The following EXTL3 variants were observed in gnomAD, a reference collection of about 807,000 sequenced individuals.
The protein encoded by EXTL3 is exostosin like glycosyltransferase 3.
Under a neutral mutation model 69.3 loss-of-function variants are expected in EXTL3, and 27 were observed. The ratio of observed to expected loss-of-function variants is 0.39; its 90% CI spans 0.29 to 0.54. The LOEUF (loss-of-function observed/expected upper bound fraction) is 0.54, where lower values mean the gene tolerates loss of function less well. EXTL3 is among the 20% of genes least tolerant of loss of function. EXTL3 has a pLI of 0.69. For missense variants in EXTL3, 1,003 were observed against 1,231.8 expected, an observed-to-expected ratio of 0.81 and a Z score of 2.78; for synonymous variants, 511 against 499.4, an observed-to-expected ratio of 1.02 and a Z score of -0.31.
At position 28,717,270 on chromosome 8, in the gene EXTL3, C is replaced by T. The variant is rs148929161; in HGVS notation, c.1211C>T (p.Pro404Leu). ...GTGGAATTCACCTGCAAAAACCAGC[C>T]CAAACCCAGCCTGCCGACTGAGTGG... ...VLVEFTCKNQ[P>L]KPSLPTEWAL... The change falls in exon 3 of 7, where the codon CCC (proline) becomes CTC (leucine). Residue 404 changes from proline (P) to leucine (L), a missense_variant. This residue lies in a region of EXTL3 where 742 missense variants were observed against 815.4 expected (regional missense o/e 0.91). Transcript: ENST00000220562. This position sits in a 1 kb window ranked among gnomAD's most constrained non-coding sequence, Gnocchi z 8.3. The T allele has an allele frequency of 8.1e-6, 13 of 1,614,214 alleles. No individual in the cohort carries two copies. The East Asian group carries it at 2.7e-4, about 33-fold the overall frequency.
chr8:28,753,736 A>T lies in EXTL3; in HGVS notation c.*2870A>T, dbSNP rs1802062709. ...TTTCCTCAGCAAGTATGGAAGAGTG[A>T]CCTGAGAGAAGGCACCTGCTTGATT... On this transcript the variant is annotated 3_prime_UTR_variant, in exon 7 of 7. Transcript: ENST00000220562. 6.6e-6 allele frequency: 1 copy of T among 152,604 alleles called. No homozygotes were observed. Among genetic ancestry groups the T allele is most frequent in the Non-Finnish European group, 1.5e-5 (1 of 68,048 alleles). 9.5% of individuals were successfully genotyped at this position (152,604 alleles called of 1,614,324 possible).
upstream of EXTL3, among the ~76,000 whole-genome samples, chr8:28,619,778 T>C (rs555067153): frequency 7.0e-6 from 1 of 143,256 alleles, no homozygotes; most frequent in Admixed American, 7.2e-5. Flanking sequence ...CACCACACAT[T>C]AGCGCTTTTA....
At position 28,665,900 on chromosome 8, in the gene EXTL3, C is replaced by T. The variant is rs1234188435; in HGVS notation, c.-53+43090C>T. ...ACTCTCCCAGCTTTAATGAATTATC[C>T]TAATGATTGCCATGGTGCACTTCTG... On this transcript the variant is annotated intron_variant, in intron 1 of 6. Transcript: ENST00000523149. 3.9e-5 allele frequency among the ~76,000 whole-genome samples: 6 copies of T among 152,344 alleles called. No individual in the cohort carries two copies. The South Asian group carries it at 1.0e-3, about 26-fold the overall frequency.
chr8:28,681,973 C>T (rs1399284108), intron 1 of EXTL3, among the ~76,000 whole-genome samples: 5 of 152,164 alleles, frequency 3.3e-5, no homozygotes, highest in Admixed American at 2.6e-4. Context: ...GCAGGAGAAT[C>T]GCTTGAACCC....
chr8:28,651,457 C>G (rs936743743), intron 1 of EXTL3, among the ~76,000 whole-genome samples: 7 of 152,072 alleles, frequency 4.6e-5, no homozygotes, highest in Non-Finnish European at 8.8e-5. Flanking sequence ...TCCAGAATAA[C>G]TAGTACTACA....
At position 28,750,909 on chromosome 8, in the gene EXTL3, A is replaced by AGAG; in HGVS notation, c.*45_*46insGGA. 1 of 1,569,064 alleles carries AGAG rather than the reference A, an allele frequency of 6.4e-7. No homozygotes were observed. Among genetic ancestry groups the AGAG allele is most frequent in the Non-Finnish European group, 8.8e-7 (1 of 1,141,434 alleles). On this transcript the variant is annotated 3_prime_UTR_variant, in exon 7 of 7. Coordinates refer to ENST00000220562, the MANE Select transcript of EXTL3 (RefSeq NM_001440.4). The surrounding 1 kb of genome is among the most constrained non-coding windows in gnomAD (Gnocchi z 5.2). ...GGGAAGAGGATGAGCAGAGGGAGGA[A>AGAG]GATGGCTCCCAAGGTTCCTAGGCAT... is the stretch of plus-strand genomic sequence containing the variant.
In EXTL3 at chr8:28,716,323, G is replaced by A. The variant is rs766037251; in HGVS notation, c.264G>A (p.Ser88=). 6 of 1,614,140 alleles carry A rather than the reference G, an allele frequency of 3.7e-6. No individual in the cohort carries two copies. Among genetic ancestry groups the A allele is most frequent in the South Asian group, 2.2e-5 (2 of 91,078 alleles). The change falls in exon 3 of 7, where the codon TCG becomes TCA. Residue 88 remains serine (S), a synonymous_variant. Transcript: ENST00000220562. This position sits in a 1 kb window ranked among gnomAD's most constrained non-coding sequence, Gnocchi z 7.1. ...TGGATCTGTGCCGCATCCGGGAGTC[G>A]GTGAGTGAAGAGCTCCTGCAGCTGG... ...HVLDLCRIRE[S]VSEELLQLEA... is the part of the protein sequence containing the mutation.
intron 1 of EXTL3, among the ~76,000 whole-genome samples, chr8:28,694,976 A>G (rs1478933336): frequency 6.6e-6 from 1 of 152,108 alleles, no homozygotes; most frequent in Non-Finnish European, 1.5e-5. Context: ...AGATCACGCC[A>G]CTGCACTTCA....
rs552714033 is a variant in EXTL3 at position 28,645,954 on chromosome 8, T to C, written c.-53+23144T>C. On this transcript the variant is annotated intron_variant, in intron 1 of 6. Transcript: ENST00000523149. ...CATGGCTCACTGCAGCCTCAACTTC[T>C]CAGGCTCCGGAGATCCTCCCACCTC... is the stretch of plus-strand genomic sequence containing the variant. 1.0e-3 allele frequency among the ~76,000 whole-genome samples: 159 copies of C among 152,084 alleles called. 1 individual carries two copies. The highest frequency in any genetic ancestry group is 3.4e-3 in the Middle Eastern group (1 of 294).
At chr8:28,632,145 G>A (rs1300960028) in intron 1 of EXTL3, among the ~76,000 whole-genome samples, 1 of 151,750 alleles carries the variant, frequency 6.6e-6, no homozygotes, top group Non-Finnish European at 1.5e-5. Flanking sequence ...GGTGGCTCAC[G>A]CCTGTAATCC....
chr8:28,718,135 C>G lies in EXTL3; in HGVS notation c.2076C>G (p.Val692=). The change falls in exon 3 of 7, where the codon GTC becomes GTG. Residue 692 remains valine (V), a synonymous_variant. Coordinates refer to ENST00000220562, the MANE Select transcript of EXTL3 (RefSeq NM_001440.4). ...RLNGLPYLNK[V]VVVWNSPKLP... is the part of the protein sequence containing the mutation. The stretch of plus-strand genomic sequence containing the variant: ...ATGGCCTCCCTTACCTGAACAAGGT[C>G]GTGGTGGTGTGGAATTCTCCCAAGC... The G allele has an allele frequency of 2.5e-6, 4 of 1,614,106 alleles. No individual in the cohort carries two copies. Among genetic ancestry groups the G allele is most frequent in the Non-Finnish European group, 3.4e-6 (4 of 1,180,018 alleles).
upstream of EXTL3, among the ~76,000 whole-genome samples, chr8:28,617,791 C>T (rs1208978685): frequency 2.6e-5 from 4 of 152,082 alleles, no homozygotes; most frequent in East Asian, 1.9e-4. Context: ...AAAACCAAAA[C>T]CAAAATCAAC....
chr8:28,726,245 C>T lies in EXTL3; in HGVS notation c.2149-4978C>T, dbSNP rs532899515. Among the ~76,000 whole-genome samples, 403 of 152,294 alleles carry T rather than the reference C, an allele frequency of 2.6e-3. 2 individuals carry two copies. Among genetic ancestry groups the T allele is most frequent in the Admixed American group, 5.7e-3 (88 of 15,306 alleles). On this transcript the variant is annotated intron_variant, in intron 3 of 6. Coordinates refer to ENST00000220562, the MANE Select transcript of EXTL3 (RefSeq NM_001440.4). ...CTGGGATTACAGGCGTGAGCCACTG[C>T]GCCCGGCCTGCATTTAGAAATGTTT...
At chr8:28,729,020 G>T (rs905839711) in intron 3 of EXTL3, among the ~76,000 whole-genome samples, 1 of 152,132 alleles carries the variant, frequency 6.6e-6, no homozygotes, top group Non-Finnish European at 1.5e-5. Context: ...TTCAGGCCAG[G>T]TGTGGTGACT....
upstream of EXTL3, chr8:28,696,774 G>A: frequency 6.6e-6 from 1 of 152,068 alleles, no homozygotes; most frequent in Non-Finnish European, 1.5e-5. Flanking sequence ...TGATCAGGCT[G>A]GTCTCAAACT....
At chr8:28,652,508 T>C (rs1433287957) in intron 1 of EXTL3, among the ~76,000 whole-genome samples, 1 of 151,810 alleles carries the variant, frequency 6.6e-6, no homozygotes, top group Non-Finnish European at 1.5e-5. Flanking sequence ...AAAAAAATTA[T>C]CTGGCTGTGG....
chr8:28,664,125 G>A (rs922663767), intron 1 of EXTL3, among the ~76,000 whole-genome samples: 20 of 152,316 alleles, frequency 1.3e-4, no homozygotes, highest in South Asian at 1.0e-3. Context: ...AGAAAGACCC[G>A]GATTTGGCGG....
rs1801975932 is a variant in EXTL3 at position 28,750,258 on chromosome 8, T to C, written c.2551-399T>C. Among the ~76,000 whole-genome samples, 1 of 152,188 alleles carries C rather than the reference T, an allele frequency of 6.6e-6. No homozygotes were observed. The highest frequency in any genetic ancestry group is 6.5e-5 in the Admixed American group (1 of 15,284). ...TAGCCCCTCTTTGACTAGCCCCTCT[T>C]TGGGTAGTCTTCAATACCCAAAGCC... On this transcript the variant is annotated intron_variant, in intron 6 of 6. Transcript: ENST00000220562. The surrounding 1 kb of genome is among the most constrained non-coding windows in gnomAD (Gnocchi z 5.2).
chr8:28,642,590 T>C (rs1389288687), intron 1 of EXTL3, among the ~76,000 whole-genome samples: 1 of 151,924 alleles, frequency 6.6e-6, no homozygotes, highest in African/African-American at 2.4e-5. Flanking sequence ...TGTACTCCAG[T>C]CGGGGAGACA....
Sources: gnomAD v4.1 joint callset for allele counts (sites outside exome capture counted in the v4.1 genomes callset) on GRCh38, gnomAD v4.1.1 for gene constraint, gnomAD v4.1.1 regional missense constraint, Gnocchi (gnomAD v3.1) non-coding constraint, MANE v1.5 for transcripts, NCBI Gene and HGNC (gene_info 2026-07-23, HGNC 2026-07-21) for gene names.